Variants in KCND2 observed in about 807,000 individuals in gnomAD.
KCND2 encodes the protein potassium voltage-gated channel subfamily D member 2.
In KCND2, 16 loss-of-function variants were observed where a neutral mutation model predicts 54.4. The ratio of observed to expected loss-of-function variants is 0.29; its 90% CI spans 0.20 to 0.45. KCND2 has a LOEUF of 0.45. KCND2 is among the 20% of genes least tolerant of loss of function. KCND2 has a pLI of 1.00. For synonymous variants in KCND2, 317 were observed against 310.7 expected, an observed-to-expected ratio of 1.02 and a Z score of -0.21; for missense variants, 486 against 824.2, an observed-to-expected ratio of 0.59 and a Z score of 5.02.
At chr7:120,309,308 G>A (rs1456210309) in intron 1 of KCND2, among the ~76,000 whole-genome samples, 1 of 151,862 alleles carries the variant, frequency 6.6e-6, no homozygotes, top group Non-Finnish European at 1.5e-5. Context: ...AGAGAACAGA[G>A]GTGACGCACC....
chr7:120,398,813 G>A (rs1801197881), intron 1 of KCND2, among the ~76,000 whole-genome samples: 1 of 152,040 alleles, frequency 6.6e-6, no homozygotes, highest in Non-Finnish European at 1.5e-5. Context: ...TACAAGGAAA[G>A]TACCCTTAAT....
chr7:120,575,431 C>G (rs1338110903), intron 1 of KCND2, among the ~76,000 whole-genome samples: 1 of 152,120 alleles, frequency 6.6e-6, no homozygotes, highest in Non-Finnish European at 1.5e-5. Context: ...CGTTCCTATG[C>G]TTGCTTTTAT....
chr7:120,399,900 AT>A (rs1801221365), intron 1 of KCND2, among the ~76,000 whole-genome samples: 1 of 151,886 alleles, frequency 6.6e-6, no homozygotes, highest in African/African-American at 2.4e-5. Context: ...AAATTTTCAT[AT>A]TTTTAGCAGA....
intron 1 of KCND2, among the ~76,000 whole-genome samples, chr7:120,524,095 C>T (rs903121105): frequency 6.6e-6 from 1 of 151,662 alleles, no homozygotes; most frequent in Non-Finnish European, 1.5e-5. Context: ...ATTAGTTGGG[C>T]GTGGTGGGAT....
intron 1 of KCND2, among the ~76,000 whole-genome samples, chr7:120,614,381 C>T (rs1792995678): frequency 6.6e-6 from 1 of 152,158 alleles, no homozygotes; most frequent in African/African-American, 2.4e-5. Context: ...CAGAGAACTC[C>T]AATGAAGAGT....
Position 120,353,142 on chromosome 7 carries a change from T to A in KCND2, c.1115+77395T>A, listed in dbSNP as rs893366182. ...GAGATAAATACTTTTACTTTTTTTT[T>A]TTTTTTTTTTTTTTTTAGGCAAACT... On this transcript the variant is annotated intron_variant, in intron 1 of 5. Transcript: ENST00000331113. Among the ~76,000 whole-genome samples the A allele has an allele frequency of 1.1e-3, 159 of 142,558 alleles. 4 individuals carry two copies. Among genetic ancestry groups the A allele is most frequent in the African/African-American group, 3.9e-3 (144 of 36,790 alleles). 93.5% of individuals were successfully genotyped at this position (142,558 alleles called of 152,430 possible). A position where few individuals can be genotyped will look rare whatever the true frequency, so the allele number is the denominator to read the frequency against.
intron 1 of KCND2, among the ~76,000 whole-genome samples, chr7:120,421,436 C>G (rs1268139032): frequency 6.6e-6 from 1 of 152,210 alleles, no homozygotes; most frequent in African/African-American, 2.4e-5. Context: ...ACAACACTCT[C>G]TGAAACTCAG....
chr7:120,502,225 T>C (rs1310451883), intron 1 of KCND2, among the ~76,000 whole-genome samples: 1 of 151,924 alleles, frequency 6.6e-6, no homozygotes, highest in Non-Finnish European at 1.5e-5. Flanking sequence ...CCAAGCTGGG[T>C]CCTGCTAAAA....
chr7:120,642,250 T>C (rs1289718625), intron 1 of KCND2, among the ~76,000 whole-genome samples: 1 of 152,086 alleles, frequency 6.6e-6, no homozygotes, highest in Admixed American at 6.5e-5. Flanking sequence ...GACTAGTTTT[T>C]ATTACATAAA....
chr7:120,375,103 T>C (rs996313915), intron 1 of KCND2, among the ~76,000 whole-genome samples: 1 of 151,292 alleles, frequency 6.6e-6, no homozygotes, highest in Non-Finnish European at 1.5e-5. Flanking sequence ...GGTTTTGTTT[T>C]TGCTATTTAT....
chr7:120,707,337 G>T (rs1792482158), intron 1 of KCND2, among the ~76,000 whole-genome samples: 1 of 152,038 alleles, frequency 6.6e-6, no homozygotes, highest in Non-Finnish European at 1.5e-5. Context: ...GTAAGTGTCA[G>T]TCTGGAAAAA....
intron 1 of KCND2, among the ~76,000 whole-genome samples, chr7:120,646,768 C>T (rs958448444): frequency 1.3e-5 from 2 of 152,182 alleles, no homozygotes; most frequent in Non-Finnish European, 2.9e-5. Context: ...AGCAAAGATT[C>T]GGTACTGAAT....
chr7:120,641,849 A>C (rs1266742035), intron 1 of KCND2, among the ~76,000 whole-genome samples: 1 of 145,128 alleles, frequency 6.9e-6, no homozygotes, highest in East Asian at 2.5e-4. Flanking sequence ...TGAAGCATAA[A>C]AAGATAATAA....
At chr7:120,364,812 T>C (rs2116405725) in intron 1 of KCND2, among the ~76,000 whole-genome samples, 1 of 152,128 alleles carries the variant, frequency 6.6e-6, no homozygotes, top group East Asian at 1.9e-4. Flanking sequence ...ATATTGAGGA[T>C]GGGGGTTTCT....
chr7:120,281,952 T>C (rs1026255108), intron 1 of KCND2, among the ~76,000 whole-genome samples: 7 of 152,186 alleles, frequency 4.6e-5, no homozygotes, highest in African/African-American at 1.4e-4. Context: ...TTTTAATTTT[T>C]CTCTTTTTGA....
intron 1 of KCND2, among the ~76,000 whole-genome samples, chr7:120,421,423 C>A (rs1801620840): frequency 6.6e-6 from 1 of 152,224 alleles, no homozygotes; most frequent in Non-Finnish European, 1.5e-5. Flanking sequence ...GACCTGCACA[C>A]ACACAACACT....
intron 1 of KCND2, among the ~76,000 whole-genome samples, chr7:120,419,735 C>T (rs1801582881): frequency 6.6e-6 from 1 of 152,012 alleles, no homozygotes; most frequent in Non-Finnish European, 1.5e-5. Context: ...CCAGTGTATC[C>T]TCTCCTGTGA....
chr7:120,275,764 G>A lies in KCND2; in HGVS notation c.1115+17G>A, dbSNP rs756291657. On this transcript the variant is annotated intron_variant, in intron 1 of 5. Coordinates refer to ENST00000331113, the MANE Select transcript of KCND2 (RefSeq NM_012281.3). ...AACACTAGGGTAGGTGCCATAATGG[G>A]AAATGGGATGGAGGTTGGGTATGGG... 6.3e-6 allele frequency: 10 copies of A among 1,599,852 alleles called. No individual in the cohort carries two copies. The highest frequency in any genetic ancestry group is 5.5e-5 in the South Asian group (5 of 91,064).
At chr7:120,331,375 T>G (rs1037890604) in intron 1 of KCND2, among the ~76,000 whole-genome samples, 4 of 152,098 alleles carry the variant, frequency 2.6e-5, no homozygotes, top group African/African-American at 9.6e-5. Flanking sequence ...CTTATCTCTT[T>G]TTTTTGAAAA....
Sources: gnomAD v4.1 joint callset for allele counts (sites outside exome capture counted in the v4.1 genomes callset) on GRCh38, gnomAD v4.1.1 for gene constraint, MANE v1.5 for transcripts, NCBI Gene and HGNC (gene_info 2026-07-23, HGNC 2026-07-21) for gene names.